Variants in FAT2 observed in about 807,000 individuals in gnomAD.
FAT2 encodes FAT atypical cadherin 2.
A neutral mutation model predicts 295.3 loss-of-function variants in FAT2; 150 were observed. The ratio of observed to expected loss-of-function variants is 0.51; its 90% CI spans 0.44 to 0.58. FAT2 has a LOEUF of 0.58. FAT2 is among the 20% of genes least tolerant of loss of function. The pLI, the probability that FAT2 is intolerant of heterozygous loss-of-function variation, is 0.00. For synonymous variants in FAT2, 2,026 were observed against 2,150.3 expected, an observed-to-expected ratio of 0.94 and a Z score of 1.60; for missense variants, 4,868 against 5,442.7, an observed-to-expected ratio of 0.89 and a Z score of 3.32.
At chr5:151,590,767 C>T (rs1018263937) in intron 1 of FAT2, among the ~76,000 whole-genome samples, 1 of 152,216 alleles carries the variant, frequency 6.6e-6, no homozygotes, top group Non-Finnish European at 1.5e-5. Flanking sequence ...TGGCACTTCC[C>T]CCTAAAAACT....
intron 1 of FAT2, among the ~76,000 whole-genome samples, chr5:151,570,666 G>A (rs1438564799): frequency 6.6e-6 from 1 of 152,204 alleles, no homozygotes; most frequent in Non-Finnish European, 1.5e-5. Context: ...TGCCTGGCTT[G>A]CCCCTGGGAG....
At chr5:151,533,367 C>A (rs1754864568) in intron 13 of FAT2, among the ~76,000 whole-genome samples, 1 of 150,410 alleles carries the variant, frequency 6.6e-6, no homozygotes, top group Non-Finnish European at 1.5e-5. Context: ...TCAAGCAAGT[C>A]TATTCCACTT....
At chr5:151,580,506 A>C (rs966641290) in intron 1 of FAT2, among the ~76,000 whole-genome samples, 4 of 152,322 alleles carry the variant, frequency 2.6e-5, no homozygotes, top group Non-Finnish European at 5.9e-5. Context: ...AAATATGTGT[A>C]GAATGTAGGA....
intron 17 of FAT2, 63 bp from the exon 18 acceptor site, chr5:151,526,028 G>A (rs944468291): frequency 1.1e-4 from 159 of 1,507,938 alleles, no homozygotes; most frequent in South Asian, 5.2e-4. Context: ...CCTTTCGCAC[G>A]TGTCTGGGTA....
In FAT2 at chr5:151,556,208, C is replaced by A. The variant is rs913352954; in HGVS notation, c.3633+136G>T. The A allele has an allele frequency of 6.4e-5, 46 of 718,464 alleles. No individual in the cohort carries two copies. In the African/African-American group the frequency reaches 6.9e-4, roughly 11 times the overall value. The allele number at this position is 718,464 out of a possible 1,614,324, so 44.5% of individuals were successfully genotyped here. On this transcript the variant is annotated intron_variant, in intron 4 of 23. Transcript: ENST00000261800. ...AGCTAGCAAAGATCCAAGGATCATCCAGCAAGGTTCAGCTCACGTATATCT... is the reference window on the plus strand; with the variant it reads ...AGCTAGCAAAGATCCAAGGATCATCAAGCAAGGTTCAGCTCACGTATATCT...
chr5:151,520,555 C>G (rs189363749), intron 19 of FAT2, among the ~76,000 whole-genome samples: 6 of 152,306 alleles, frequency 3.9e-5, no homozygotes, highest in Admixed American at 3.3e-4. Flanking sequence ...GAATGACAGT[C>G]ACCGTTGATC....
chr5:151,529,544 A>G, intron 14 of FAT2, 152 bp from the exon 15 acceptor site: 4 of 630,570 alleles, frequency 6.3e-6, no homozygotes, highest in South Asian at 1.9e-5. Flanking sequence ...TCCCTTTGCT[A>G]TCCCCTTGAC....
At chr5:151,582,842 G>T (rs188052110) in intron 1 of FAT2, among the ~76,000 whole-genome samples, 1 of 152,154 alleles carries the variant, frequency 6.6e-6, no homozygotes, top group Non-Finnish European at 1.5e-5. Flanking sequence ...CTCTGTAGGT[G>T]GTCTGCTGAC....
At chr5:151,529,968 T>C (rs368616346) in intron 14 of FAT2, among the ~76,000 whole-genome samples, 73 of 152,350 alleles carry the variant, frequency 4.8e-4, no homozygotes, top group African/African-American at 1.7e-3. Flanking sequence ...TGCTTTTTGT[T>C]TTATTTTATT....
At chr5:151,537,357 A>C (rs891847333) in intron 12 of FAT2, among the ~76,000 whole-genome samples, 1 of 149,984 alleles carries the variant, frequency 6.7e-6, no homozygotes, top group African/African-American at 2.4e-5. Flanking sequence ...AGAAAAAAGA[A>C]GGAAGGAAGG....
chr5:151,522,040 C>T lies in FAT2; in HGVS notation c.10553G>A (p.Arg3518His), dbSNP rs142353390. 5,432 of 1,608,860 alleles carry T rather than the reference C, an allele frequency of 3.4e-3. 31 individuals carry two copies. The highest frequency in any genetic ancestry group is 3.2e-3 in the Non-Finnish European group (3,799 of 1,175,744). ...IPPLSSLTSV[R>H]VHVTEQSHYA... is the part of the protein sequence containing the mutation. ...GTGGCTCTGCTCTGTGACATGGACA[C>T]GGACAGACGTCAAAGACGAGAGGGG... The change falls in exon 19 of 24, where the codon CGT (arginine) becomes CAT (histidine). Residue 3518 changes from arginine to histidine, a missense_variant. Physicochemically the swap from Arg to His is conservative, Grantham distance 29. Transcript: ENST00000261800.
rs1761410450 is a variant in FAT2 at position 151,512,648 on chromosome 5, T to A, written c.11464-42A>T. On this transcript the variant is annotated intron_variant, in intron 20 of 23. Coordinates refer to ENST00000261800, the MANE Select transcript of FAT2 (RefSeq NM_001447.3). This position sits in a 1 kb window ranked among gnomAD's most constrained non-coding sequence, Gnocchi z 4.1. Reference sequence around the variant, plus strand: ...AACAGCCATCAGCAAAGCCAAGGAGTCCTTGTAAACCTGCTAAGAGGCTGC... The same window carrying A: ...AACAGCCATCAGCAAAGCCAAGGAGACCTTGTAAACCTGCTAAGAGGCTGC... 2.6e-6 allele frequency: 4 copies of A among 1,525,228 alleles called. No homozygotes were observed. Among genetic ancestry groups the A allele is most frequent in the Middle Eastern group, 1.7e-4 (1 of 5,820 alleles). 94.5% of individuals were successfully genotyped at this position (1,525,228 alleles called of 1,614,324 possible).
In FAT2 at chr5:151,590,680, G is replaced by C. The variant is rs917733654; in HGVS notation, c.-21+485C>G. 5.3e-5 allele frequency among the ~76,000 whole-genome samples: 8 copies of C among 152,176 alleles called. No homozygotes were observed. In the East Asian group the frequency reaches 1.5e-3, roughly 29 times the overall value. On this transcript the variant is annotated intron_variant, in intron 1 of 23. Transcript: ENST00000261800. Reference sequence around the variant, plus strand: ...CTATCTGACTCTCCCTTAGCCGCCAGGTAGCTTTGTCTGTGATAAGGTTCC... The same window carrying C: ...CTATCTGACTCTCCCTTAGCCGCCACGTAGCTTTGTCTGTGATAAGGTTCC...
At position 151,567,273 on chromosome 5, in the gene FAT2, C is replaced by G; in HGVS notation, c.1659G>C (p.Gln553His). 1 of 1,614,112 alleles carries G rather than the reference C, an allele frequency of 6.2e-7. No individual in the cohort carries two copies. The highest frequency in any genetic ancestry group is 8.5e-7 in the Non-Finnish European group (1 of 1,180,026). ...GCTGGTTGTCATTCAAGTTCCTGAG[C>G]TGAAGAAAAATGGACACTTCCTTCT... ...RREKEVSIFL[Q>H]LRNLNDNQPM... Residue 553 changes from glutamine (Q) to histidine (H), a missense_variant, in exon 2 of 24, where the codon CAG becomes CAC. By Grantham distance (24) the Gln-to-His change is conservative (BLOSUM62 0). This residue lies in a region of FAT2 where 3,297 missense variants were observed against 3,669.4 expected (regional missense o/e 0.90). Coordinates refer to ENST00000261800, the MANE Select transcript of FAT2 (RefSeq NM_001447.3).
upstream of FAT2, among the ~76,000 whole-genome samples, chr5:151,593,039 A>G (rs1759472603): frequency 6.6e-6 from 1 of 152,180 alleles, no homozygotes; most frequent in South Asian, 2.1e-4. Flanking sequence ...GGGATTCCCC[A>G]CCAGTAGGAT....
intron 11 of FAT2, among the ~76,000 whole-genome samples, 175 bp downstream of exon 11, chr5:151,540,392 C>T (rs1451341404): frequency 6.6e-6 from 1 of 151,670 alleles, no homozygotes; most frequent in Non-Finnish European, 1.5e-5. Context: ...AATCTCCCTT[C>T]TCCTGCCCCT....
intron 14 of FAT2, among the ~76,000 whole-genome samples, chr5:151,530,175 C>T (rs1339350077): frequency 6.6e-6 from 1 of 151,694 alleles, no homozygotes; most frequent in Non-Finnish European, 1.5e-5. Context: ...GCCTTATATA[C>T]CCAAATTATA....
intron 11 of FAT2, 40 bp from the exon 12 acceptor site, chr5:151,537,986 C>G (rs372547723): frequency 6.3e-7 from 1 of 1,588,772 alleles, no homozygotes; most frequent in Non-Finnish European, 8.6e-7. Context: ...ACTGTGGGGA[C>G]TGCATTCAGA....
chr5:151,521,152 G>T, intron 19 of FAT2, 124 bp downstream of exon 19: 1 of 924,126 alleles, frequency 1.1e-6, no homozygotes, highest in Non-Finnish European at 1.6e-6. Context: ...GTGATTGGTG[G>T]CCTTTGGGCT....
Sources: gnomAD v4.1 joint callset for allele counts (sites outside exome capture counted in the v4.1 genomes callset) on GRCh38, gnomAD v4.1.1 for gene constraint, gnomAD v4.1.1 regional missense constraint, Gnocchi (gnomAD v3.1) non-coding constraint, MANE v1.5 for transcripts, NCBI Gene and HGNC (gene_info 2026-07-23, HGNC 2026-07-21) for gene names.